The following CAMK2A variants were observed in gnomAD, a reference collection of about 807,000 sequenced individuals.
The protein encoded by CAMK2A is calcium/calmodulin-dependent protein kinase type II subunit alpha.
A neutral mutation model predicts 79.2 loss-of-function variants in CAMK2A; 7 were observed. The ratio of observed to expected loss-of-function variants is 0.09; its 90% confidence interval spans 0.05 to 0.17. CAMK2A has a LOEUF of 0.17. CAMK2A is among the 10% of genes least tolerant of loss of function. The pLI is 1.00. For missense variants in CAMK2A, 214 were observed against 646.4 expected, an observed-to-expected ratio of 0.33 and a Z score of 7.25; for synonymous variants, 242 against 251.7, an observed-to-expected ratio of 0.96 and a Z score of 0.36.
intron 2 of CAMK2A, among the ~76,000 whole-genome samples, chr5:150,272,285 T>C (rs574685295): frequency 6.6e-6 from 1 of 151,922 alleles, no homozygotes; most frequent in East Asian, 1.9e-4. Flanking sequence ...AGAAAATAGG[T>C]TGGGCGTGAT....
chr5:150,222,842 G>A, intron 18 of CAMK2A, 129 bp from the exon 19 acceptor site: 1 of 1,388,506 alleles, frequency 7.2e-7, no homozygotes, highest in Non-Finnish European at 1.0e-6. Flanking sequence ...CCCCAGACCT[G>A]CAGGCCTGGC....
chr5:150,273,889 G>T (rs1394856474), intron 1 of CAMK2A, among the ~76,000 whole-genome samples: 1 of 152,202 alleles, frequency 6.6e-6, no homozygotes, highest in Non-Finnish European at 1.5e-5. Flanking sequence ...GTGTATGTGT[G>T]CATTAGAATT....
chr5:150,280,342 G>T (rs1207808729), intron 1 of CAMK2A, among the ~76,000 whole-genome samples: 1 of 152,126 alleles, frequency 6.6e-6, no homozygotes, highest in Non-Finnish European at 1.5e-5. Flanking sequence ...GTAGTCTTTA[G>T]TGTCTGCTCT....
At chr5:150,227,716 C>T (rs1754664973) in intron 17 of CAMK2A, among the ~76,000 whole-genome samples, 1 of 152,208 alleles carries the variant, frequency 6.6e-6, no homozygotes, top group Admixed American at 6.5e-5. Context: ...GCAGTGTGAG[C>T]TCTCTGTCCT....
chr5:150,240,442 G>A (rs936640684), intron 13 of CAMK2A, among the ~76,000 whole-genome samples: 1 of 152,246 alleles, frequency 6.6e-6, no homozygotes, highest in Non-Finnish European at 1.5e-5. Context: ...TGGAGAAACT[G>A]AGGCTCAGCC....
At chr5:150,236,818 A>T (rs888195424) in intron 15 of CAMK2A, among the ~76,000 whole-genome samples, 2 of 152,226 alleles carry the variant, frequency 1.3e-5, no homozygotes, top group African/African-American at 4.8e-5. Context: ...TTGTGAAACT[A>T]GAATGCTGAC....
chr5:150,253,102 C>T (rs1562167710), intron 7 of CAMK2A, among the ~76,000 whole-genome samples: 2 of 152,212 alleles, frequency 1.3e-5, no homozygotes, highest in Non-Finnish European at 2.9e-5. Context: ...TCTCAAGCAC[C>T]TAGACTATTA....
At chr5:150,239,562 T>C (rs1476570621) in intron 14 of CAMK2A, 142 bp downstream of exon 14, 13 of 741,924 alleles carry the variant, frequency 1.8e-5, no homozygotes, top group Non-Finnish European at 3.2e-5. Context: ...AACACACATA[T>C]TGTCACACAA....
intron 13 of CAMK2A, among the ~76,000 whole-genome samples, chr5:150,244,261 G>A (rs1332815077): frequency 1.3e-5 from 2 of 152,198 alleles, no homozygotes; most frequent in African/African-American, 2.4e-5. Flanking sequence ...AGACTCCCTC[G>A]CATGCAACCT....
At chr5:150,276,734 C>T (rs1756963373) in intron 1 of CAMK2A, among the ~76,000 whole-genome samples, 1 of 152,138 alleles carries the variant, frequency 6.6e-6, no homozygotes, top group South Asian at 2.1e-4. Context: ...TGCTCACCAG[C>T]ACCTGACAAA....
intron 9 of CAMK2A, 77 bp downstream of exon 9, chr5:150,251,673 A>C: frequency 5.3e-6 from 6 of 1,138,412 alleles, no homozygotes; most frequent in Non-Finnish European, 6.2e-6. Flanking sequence ...TGCCAGAACT[A>C]GAGAGTGGCT....
intron 1 of CAMK2A, among the ~76,000 whole-genome samples, chr5:150,275,837 C>T (rs901130438): frequency 6.6e-6 from 1 of 152,004 alleles, no homozygotes; most frequent in Admixed American, 6.5e-5. Flanking sequence ...ACCAGAAGGT[C>T]TCCCAGCTCC....
intron 1 of CAMK2A, among the ~76,000 whole-genome samples, chr5:150,273,514 A>G (rs1377820432): frequency 5.9e-5 from 9 of 152,186 alleles, no homozygotes; most frequent in Admixed American, 5.9e-4. Flanking sequence ...AAACGTGGAT[A>G]TGGTTCAAAG....
Position 150,228,182 on chromosome 5 carries a change from A to T in CAMK2A, c.1237+10T>A. ...GACAACAGGCACCACAGAGAGAAGG[A>T]ATTGCTCACGGTTTTCAAAATAGAA... On this transcript the variant is annotated intron_variant, in intron 17 of 18. Coordinates refer to ENST00000671881, the MANE Select transcript of CAMK2A (RefSeq NM_015981.4). The T allele has an allele frequency of 6.2e-7, 1 of 1,605,896 alleles. No individual in the cohort carries two copies. The highest frequency in any genetic ancestry group is 8.5e-7 in the Non-Finnish European group (1 of 1,173,298).
chr5:150,224,845 G>GA (rs1446733892), intron 17 of CAMK2A, among the ~76,000 whole-genome samples: 3 of 120,746 alleles, frequency 2.5e-5, no homozygotes, highest in East Asian at 4.7e-4. Context: ...GCTAATTCCT[G>GA]AAAAAAACGC....
chr5:150,276,376 T>A (rs1468705796), intron 1 of CAMK2A, among the ~76,000 whole-genome samples: 1 of 152,118 alleles, frequency 6.6e-6, no homozygotes, highest in Non-Finnish European at 1.5e-5. Context: ...CAATAGAGCC[T>A]CCATGAGTGT....
intron 11 of CAMK2A, among the ~76,000 whole-genome samples, chr5:150,249,584 T>C (rs1485894325): frequency 2.0e-5 from 3 of 152,068 alleles, no homozygotes; most frequent in Admixed American, 1.3e-4. Flanking sequence ...AGTCTCTCTC[T>C]GTTACTCAGG....
chr5:150,253,662 G>T, intron 6 of CAMK2A, 116 bp from the exon 7 acceptor site: 1 of 854,024 alleles, frequency 1.2e-6, no homozygotes, highest in African/African-American at 1.7e-5. Flanking sequence ...CCGGCCCTCC[G>T]GGGCCCCTGC....
At chr5:150,230,611 C>A (rs911226577) in intron 16 of CAMK2A, among the ~76,000 whole-genome samples, 4 of 152,358 alleles carry the variant, frequency 2.6e-5, no homozygotes, top group Middle Eastern at 3.4e-3. Context: ...CTCCCGGGGG[C>A]CAGCTGAGGG....
Sources: allele counts gnomAD v4.1 joint callset (sites outside exome capture counted in the v4.1 genomes callset), GRCh38; gene constraint gnomAD v4.1.1; transcripts MANE v1.5; gene names NCBI Gene and HGNC (gene_info 2026-07-23, HGNC 2026-07-21).